TAFA1: variants seen among roughly 807,000 people sequenced by gnomAD.
TAFA1 encodes the protein TAFA chemokine like family member 1.
In TAFA1, 4 loss-of-function variants were observed where a neutral mutation model predicts 18.5. That is an observed-to-expected ratio of 0.22 (90% CI 0.11 to 0.49). TAFA1 has a LOEUF of 0.49. Ranked by LOEUF, TAFA1 falls within the 20% of genes least tolerant of loss-of-function variation. The probability of loss-of-function intolerance (pLI) is 0.98; values close to 1 mark genes in which losing one functional copy is unlikely to be tolerated. For synonymous variants in TAFA1, 56 were observed against 55.2 expected (o/e 1.01, Z -0.06); for missense variants, 147 against 169.0 (o/e 0.87, Z 0.72).
At chr3:68,367,340 T>C (rs9865323) in intron 2 of TAFA1, among the ~76,000 whole-genome samples, 5,141 of 152,264 alleles carry the variant, frequency 0.034, 295 homozygotes, top group African/African-American at 0.12. Context: ...AAAGTTGCCT[T>C]ATAAAATGTG....
chr3:68,231,985 T>G (rs974571219), intron 2 of TAFA1, among the ~76,000 whole-genome samples: 1 of 152,198 alleles, frequency 6.6e-6, no homozygotes, highest in African/African-American at 2.4e-5. Flanking sequence ...GTGATATTTT[T>G]GATGCAAGTG....
chr3:68,108,687 T>C (rs537107684), intron 2 of TAFA1, among the ~76,000 whole-genome samples: 14 of 152,216 alleles, frequency 9.2e-5, no homozygotes, highest in African/African-American at 3.1e-4. Flanking sequence ...GAGAATACTG[T>C]CATTGCTGAT....
chr3:68,110,832 A>C (rs2065254256), intron 2 of TAFA1, among the ~76,000 whole-genome samples: 1 of 152,190 alleles, frequency 6.6e-6, no homozygotes, highest in South Asian at 2.1e-4. Context: ...AAATGAAAAA[A>C]AAACTTGGAG....
At chr3:68,525,529 G>T (rs941382272) in intron 3 of TAFA1, among the ~76,000 whole-genome samples, 2 of 152,160 alleles carry the variant, frequency 1.3e-5, no homozygotes, top group Non-Finnish European at 2.9e-5. Context: ...TAGTTGTGTG[G>T]TATTGTATAG....
At chr3:68,114,281 G>C (rs917005757) in intron 2 of TAFA1, among the ~76,000 whole-genome samples, 2 of 152,042 alleles carry the variant, frequency 1.3e-5, no homozygotes, top group African/African-American at 4.8e-5. Context: ...CCCCCATTCA[G>C]CCTGTATATG....
rs148345763 is a variant in TAFA1 at position 68,170,626 on chromosome 3, C to G, written c.118+163882C>G. On this transcript the variant is annotated intron_variant, in intron 2 of 4. Transcript: ENST00000478136. Reference sequence around the variant, plus strand: ...AGAAATAAACCGAAAATGCCCCAAGCTTTAATCTCTGACTGGCATTGAGGC... The same window carrying G: ...AGAAATAAACCGAAAATGCCCCAAGGTTTAATCTCTGACTGGCATTGAGGC... Among the ~76,000 whole-genome samples, 3 of 152,276 alleles carry G rather than the reference C, an allele frequency of 2.0e-5. No homozygotes were observed. In the East Asian group the frequency reaches 5.8e-4, roughly 29 times the overall value.
chr3:68,344,569 A>G lies in TAFA1; in HGVS notation c.119-72711A>G, dbSNP rs74644937. 0.011 allele frequency among the ~76,000 whole-genome samples: 1,606 copies of G among 152,262 alleles called. 83 individuals carry two copies. The East Asian group carries it at 0.16, about 16-fold the overall frequency. ...ATTAACATAGGAGTTCATTATTCTC[A>G]TTCTTCTAAAGTGGTCACATTGAAC... On this transcript the variant is annotated intron_variant, in intron 2 of 4. Transcript: ENST00000478136.
intron 2 of TAFA1, among the ~76,000 whole-genome samples, chr3:68,133,766 G>A (rs2065572048): frequency 6.6e-6 from 1 of 152,072 alleles, no homozygotes. Flanking sequence ...ACTAACAAAA[G>A]CTTACTAGAT....
At chr3:68,439,615 AC>A (rs2071336984) in intron 3 of TAFA1, among the ~76,000 whole-genome samples, 1 of 151,404 alleles carries the variant, frequency 6.6e-6, no homozygotes, top group African/African-American at 2.4e-5. Flanking sequence ...GGAAGGCTAA[AC>A]CAGTCTAGTC....
At chr3:68,538,073 T>C (rs1360476929) in intron 3 of TAFA1, among the ~76,000 whole-genome samples, 1 of 152,122 alleles carries the variant, frequency 6.6e-6, no homozygotes, top group Non-Finnish European at 1.5e-5. Context: ...TCTCATGTGC[T>C]AAGTCAGCCT....
At chr3:68,339,541 A>C (rs1329600939) in intron 2 of TAFA1, among the ~76,000 whole-genome samples, 1 of 152,220 alleles carries the variant, frequency 6.6e-6, no homozygotes, top group African/African-American at 2.4e-5. Context: ...CTGTGTATTG[A>C]AAAAGTTTAT....
intron 3 of TAFA1, among the ~76,000 whole-genome samples, chr3:68,538,481 T>C (rs758183827): frequency 1.3e-5 from 2 of 152,218 alleles, no homozygotes; most frequent in Non-Finnish European, 2.9e-5. Context: ...GAGTCAGCTA[T>C]GTTAGGTTTC....
chr3:68,218,858 T>A (rs889006343), intron 2 of TAFA1, among the ~76,000 whole-genome samples: 3 of 152,268 alleles, frequency 2.0e-5, no homozygotes, highest in Admixed American at 1.3e-4. Flanking sequence ...ACCATAGTGT[T>A]GTTTCTTTGA....
At chr3:68,303,443 CTTT>C (rs2068342459) in intron 2 of TAFA1, among the ~76,000 whole-genome samples, 1 of 151,256 alleles carries the variant, frequency 6.6e-6, no homozygotes, top group African/African-American at 2.4e-5. Context: ...TATGAAAATT[CTTT>C]TTGTTTTTTT....
At chr3:68,374,495 G>A (rs560686625) in intron 2 of TAFA1, among the ~76,000 whole-genome samples, 1 of 152,264 alleles carries the variant, frequency 6.6e-6, no homozygotes, top group South Asian at 2.1e-4. Context: ...ATGCAAAGGT[G>A]AAATTTAAAG....
At chr3:68,002,364 A>T (rs930713175), upstream of TAFA1, among the ~76,000 whole-genome samples, 6 of 152,244 alleles carry the variant, frequency 3.9e-5, no homozygotes, top group African/African-American at 1.4e-4. Flanking sequence ...AATGTAATCC[A>T]TTAGGTGGTC....
chr3:68,130,716 A>T (rs1282950043), intron 2 of TAFA1, among the ~76,000 whole-genome samples: 2 of 152,114 alleles, frequency 1.3e-5, no homozygotes, highest in African/African-American at 4.8e-5. Context: ...CCCTTCCTCG[A>T]GAACATCAGA....
At chr3:68,146,430 C>T (rs988658813) in intron 2 of TAFA1, among the ~76,000 whole-genome samples, 1 of 152,162 alleles carries the variant, frequency 6.6e-6, no homozygotes. Context: ...CTCCTCCTCT[C>T]CCAGCGTTCA....
intron 2 of TAFA1, among the ~76,000 whole-genome samples, chr3:68,319,583 T>C (rs2068664258): frequency 6.6e-6 from 1 of 152,252 alleles, no homozygotes. Flanking sequence ...TTGTCCAATG[T>C]TGTCACATGG....
Sources: allele counts gnomAD v4.1 joint callset (sites outside exome capture counted in the v4.1 genomes callset), GRCh38; gene constraint gnomAD v4.1.1; transcripts MANE v1.5; gene names NCBI Gene and HGNC (gene_info 2026-07-23, HGNC 2026-07-21).